The following FAM13A variants were observed in gnomAD, a reference collection of about 807,000 sequenced individuals.
FAM13A encodes family with sequence similarity 13 member A.
FAM13A carries 76 observed loss-of-function variants against 129.6 expected under a neutral mutation model. The observed-to-expected ratio is 0.59, with a 90% CI of 0.49 to 0.71. The LOEUF (loss-of-function observed/expected upper bound fraction) is 0.71. FAM13A is among the 30% of genes least tolerant of loss of function. The pLI is 0.00. For missense variants in FAM13A, 1,108 were observed against 1,249.3 expected (o/e 0.89, Z 1.70); for synonymous variants, 443 against 449.9 (o/e 0.98, Z 0.20).
Position 89,020,469 on chromosome 4 carries a change from G to A in FAM13A, c.418C>T (p.Leu140Phe). ...TSALQPRFIQ[L>F]FQDGRNDVQE... is the part of the protein sequence containing the mutation. Reference sequence around the variant, plus strand: ...GATTTATTGTACTAACCCTGAAAGAGTTGAATGAATCGAGGCTGCAACGCT... The same window carrying A: ...GATTTATTGTACTAACCCTGAAAGAATTGAATGAATCGAGGCTGCAACGCT... The change falls in exon 3 of 24, where the codon CTC becomes TTC. Residue 140 changes from leucine to phenylalanine, a missense_variant. This residue lies in a region of FAM13A where 566 missense variants were observed against 595.7 expected (regional missense o/e 0.95). Transcript: ENST00000264344. The A allele has an allele frequency of 6.2e-7, 1 of 1,613,178 alleles. No homozygotes were observed.
rs147631746 is a variant in FAM13A, at chr4:88,890,608, A to C, written c.843+15771T>G. Among the ~76,000 whole-genome samples, 591 of 152,382 alleles carry C rather than the reference A, an allele frequency of 3.9e-3. 1 individual carries two copies. The highest frequency in any genetic ancestry group is 6.2e-3 in the Non-Finnish European group (421 of 68,028). ...ATGGAGGAAAAGCTGACAGAAAAAA[A>C]CAAAGATCTCTATATGGACAATAGA... On this transcript the variant is annotated intron_variant, in intron 6 of 23. Coordinates refer to ENST00000264344, the MANE Select transcript of FAM13A (RefSeq NM_014883.4).
chr4:88,896,850 T>C, intron 6 of FAM13A, among the ~76,000 whole-genome samples: 1 of 152,236 alleles, frequency 6.6e-6, no homozygotes, highest in East Asian at 1.9e-4. Flanking sequence ...TATCCCCTGA[T>C]AAAAGTCAAA....
rs1197871584 is a variant in FAM13A at position 88,779,991 on chromosome 4, T to C, written c.1458+1174A>G. ...TAGAGAGCTAATGAAGTTAATACCA[T>C]TTATTTTATTTAAATATTTACTTTT... On this transcript the variant is annotated intron_variant, in intron 11 of 23. Transcript: ENST00000264344. Among the ~76,000 whole-genome samples the C allele has an allele frequency of 3.3e-5, 5 of 152,310 alleles. No homozygotes were observed. In the East Asian group the frequency reaches 9.6e-4, roughly 29 times the overall value.
chr4:88,947,568 T>A (rs1253122575), intron 4 of FAM13A, among the ~76,000 whole-genome samples: 1 of 152,154 alleles, frequency 6.6e-6, no homozygotes, highest in African/African-American at 2.4e-5. Flanking sequence ...TAAATTTCTG[T>A]CTGTTCTGAT....
chr4:88,927,258 A>G (rs1752350285), intron 5 of FAM13A, among the ~76,000 whole-genome samples: 1 of 151,554 alleles, frequency 6.6e-6, no homozygotes, highest in Non-Finnish European at 1.5e-5. Flanking sequence ...TTTGGTACTC[A>G]GCTAGGTCCT....
chr4:88,740,906 A>G (rs1740106599), intron 19 of FAM13A, among the ~76,000 whole-genome samples: 1 of 152,214 alleles, frequency 6.6e-6, no homozygotes. Flanking sequence ...TAATTTTATA[A>G]ACAATGACTG....
intron 1 of FAM13A, among the ~76,000 whole-genome samples, chr4:89,033,195 C>T (rs1355837): frequency 0.1 from 15,898 of 151,916 alleles, 904 homozygotes; most frequent in African/African-American, 0.14. Flanking sequence ...TTAAAATTAT[C>T]AGAGAAAATA....
chr4:88,823,368 T>C (rs1270152809), intron 7 of FAM13A: 20 of 989,350 alleles, frequency 2.0e-5, no homozygotes, highest in Admixed American at 1.1e-4. Flanking sequence ...CAATGGTCCC[T>C]CCTCCTCCTC....
chr4:88,908,068 G>A (rs1748446208), intron 5 of FAM13A, among the ~76,000 whole-genome samples: 1 of 152,224 alleles, frequency 6.6e-6, no homozygotes, highest in Non-Finnish European at 1.5e-5. Context: ...TGCAGGTACT[G>A]CCAACACTCT....
intron 6 of FAM13A, among the ~76,000 whole-genome samples, chr4:88,867,272 G>A (rs978345469): frequency 3.3e-5 from 5 of 152,134 alleles, no homozygotes; most frequent in African/African-American, 1.2e-4. Context: ...TTAAACACCT[G>A]TCCTCCACTT....
At chr4:88,993,642 A>T (rs1763184441) in intron 3 of FAM13A, among the ~76,000 whole-genome samples, 1 of 152,242 alleles carries the variant, frequency 6.6e-6, no homozygotes, top group Admixed American at 6.5e-5. Context: ...GAAATAAAAC[A>T]GCCAAACAAT....
rs1241905831 is a variant in FAM13A at position 88,731,308 on chromosome 4, G to A, written c.2945+19C>T. On this transcript the variant is annotated intron_variant, in intron 23 of 23. Transcript: ENST00000264344. ...GGTGCGGCGGGGGGGAAGGGAGGGTGGGGGAAGACAGGCACTACCTTCCAT... is the reference window on the plus strand; with the variant it reads ...GGTGCGGCGGGGGGGAAGGGAGGGTAGGGGAAGACAGGCACTACCTTCCAT... 7.0e-7 allele frequency: 1 copy of A among 1,422,822 alleles called. No homozygotes were observed. Among genetic ancestry groups the A allele is most frequent in the South Asian group, 1.2e-5 (1 of 86,102 alleles). The allele number at this position is 1,422,822 out of a possible 1,614,324, so 88.1% of individuals were successfully genotyped here. A position where few individuals can be genotyped will look rare whatever the true frequency, so the allele number is the denominator to read the frequency against.
chr4:88,848,430 C>G (rs898311588), intron 7 of FAM13A, among the ~76,000 whole-genome samples: 2 of 152,188 alleles, frequency 1.3e-5, no homozygotes, highest in Non-Finnish European at 2.9e-5. Flanking sequence ...ACATTTGATT[C>G]ATTAAAATAT....
chr4:88,806,656 T>A (rs1728622837), intron 7 of FAM13A, among the ~76,000 whole-genome samples: 1 of 152,156 alleles, frequency 6.6e-6, no homozygotes, highest in African/African-American at 2.4e-5. Flanking sequence ...CCTTAATGTT[T>A]ATAACTAATG....
chr4:88,929,896 C>T (rs1752777357), intron 5 of FAM13A, among the ~76,000 whole-genome samples: 1 of 152,082 alleles, frequency 6.6e-6, no homozygotes, highest in South Asian at 2.1e-4. Flanking sequence ...TACCACCATG[C>T]CCAGCTAGTT....
intron 2 of FAM13A, among the ~76,000 whole-genome samples, chr4:89,026,612 G>A (rs1266886724): frequency 1.3e-5 from 2 of 152,200 alleles, no homozygotes; most frequent in Non-Finnish European, 2.9e-5. Context: ...TCACAAGGCA[G>A]CAGGAAGAAG....
At chr4:88,842,779 T>A (rs1403723535) in intron 7 of FAM13A, among the ~76,000 whole-genome samples, 1 of 152,196 alleles carries the variant, frequency 6.6e-6, no homozygotes, top group Non-Finnish European at 1.5e-5. Context: ...TATCTACCAT[T>A]TCATCAACTA....
At chr4:88,909,528 C>T (rs1393035350) in intron 5 of FAM13A, among the ~76,000 whole-genome samples, 1 of 151,420 alleles carries the variant, frequency 6.6e-6, no homozygotes, top group Non-Finnish European at 1.5e-5. Context: ...CGCTCTGTTG[C>T]CAGGCTGGAG....
At chr4:88,826,315 A>T (rs1416509898) in intron 7 of FAM13A, among the ~76,000 whole-genome samples, 1 of 46,140 alleles carries the variant, frequency 2.2e-5, no homozygotes. Context: ...GTAGGATTAA[A>T]AAAAAAAAAA....
Sources: gnomAD v4.1 joint callset for allele counts (sites outside exome capture counted in the v4.1 genomes callset) on GRCh38, gnomAD v4.1.1 for gene constraint, gnomAD v4.1.1 regional missense constraint, MANE v1.5 for transcripts, NCBI Gene and HGNC (gene_info 2026-07-23, HGNC 2026-07-21) for gene names.